Variants in CPNE5 observed in about 807,000 individuals in gnomAD.
CPNE5 encodes the protein copine 5.
CPNE5 carries 42 observed loss-of-function variants against 81.1 expected under a neutral mutation model. That is an observed-to-expected ratio of 0.52 (90% CI 0.40 to 0.67). The LOEUF (loss-of-function observed/expected upper bound fraction) is 0.67, where lower values mean the gene tolerates loss of function less well. CPNE5 is among the 30% of genes least tolerant of loss of function. The probability of loss-of-function intolerance (pLI) is 0.00; values close to 1 mark genes in which losing one functional copy is unlikely to be tolerated. For missense variants in CPNE5, 612 were observed against 815.5 expected, an observed-to-expected ratio of 0.75 and a Z score of 3.04; for synonymous variants, 313 against 321.5, an observed-to-expected ratio of 0.97 and a Z score of 0.28.
chr6:36,757,734 T>C (rs1358121614), intron 12 of CPNE5, among the ~76,000 whole-genome samples: 1 of 152,100 alleles, frequency 6.6e-6, no homozygotes, highest in Non-Finnish European at 1.5e-5. Context: ...GAAAGACCAC[T>C]CTAGGTGAGA....
chr6:36,744,099 C>T (rs957283016), intron 19 of CPNE5, among the ~76,000 whole-genome samples, 169 bp downstream of exon 19: 6 of 152,248 alleles, frequency 3.9e-5, no homozygotes, highest in Non-Finnish European at 5.9e-5. Context: ...CAAACAAATG[C>T]GTCCCACACC....
intron 1 of CPNE5, among the ~76,000 whole-genome samples, chr6:36,834,406 G>C (rs914153276): frequency 6.6e-6 from 1 of 151,784 alleles, no homozygotes; most frequent in South Asian, 2.1e-4. Context: ...CTGCAATCCC[G>C]GCAATTTGGA....
chr6:36,767,265 G>A (rs1382458485), intron 10 of CPNE5, among the ~76,000 whole-genome samples: 1 of 152,224 alleles, frequency 6.6e-6, no homozygotes, highest in African/African-American at 2.4e-5. Flanking sequence ...ATCAGTGGCA[G>A]CTTTTCAGAC....
At chr6:36,773,935 G>A (rs1369991469) in intron 10 of CPNE5, among the ~76,000 whole-genome samples, 1 of 151,714 alleles carries the variant, frequency 6.6e-6, no homozygotes, top group Non-Finnish European at 1.5e-5. Context: ...GCGTGGTGGT[G>A]CATGGTTGTG....
At chr6:36,748,050 G>T (rs960275159) in intron 15 of CPNE5, among the ~76,000 whole-genome samples, 171 bp downstream of exon 15, 1 of 152,222 alleles carries the variant, frequency 6.6e-6, no homozygotes, top group African/African-American at 2.4e-5. Context: ...CCAACCTGGG[G>T]ATACTACTGC....
chr6:36,822,999 G>A lies in CPNE5; in HGVS notation c.136+59C>T, dbSNP rs529953477. On this transcript the variant is annotated intron_variant, in intron 2 of 20. Coordinates refer to ENST00000244751, the MANE Select transcript of CPNE5 (RefSeq NM_020939.2). ...CAGTAAGGGCTCAAGCATTGCCGCT[G>A]TAATTAGTCATAGCGTTGCCGCTAT... The A allele has an allele frequency of 2.9e-5, 41 of 1,417,882 alleles. No homozygotes were observed. The South Asian group carries it at 6.1e-4, about 21-fold the overall frequency. The allele number at this position is 1,417,882 out of a possible 1,614,324, so 87.8% of individuals were successfully genotyped here.
rs569284802 is a variant in CPNE5 at position 36,818,022 on chromosome 6, G to A, written c.183+4092C>T. On this transcript the variant is annotated intron_variant, in intron 3 of 20. Transcript: ENST00000244751. Reference sequence around the variant, plus strand: ...TACTGGGCCCCTGGGTTATGTCTTCGCACGTCACTGAAACCTGAAACCCAG... The same window carrying A: ...TACTGGGCCCCTGGGTTATGTCTTCACACGTCACTGAAACCTGAAACCCAG... Among the ~76,000 whole-genome samples, 42 of 151,988 alleles carry A rather than the reference G, an allele frequency of 2.8e-4. No individual in the cohort carries two copies. In the Middle Eastern group the frequency reaches 0.01, roughly 37 times the overall value.
chr6:36,813,681 A>G (rs1771296806), intron 3 of CPNE5, among the ~76,000 whole-genome samples: 1 of 152,070 alleles, frequency 6.6e-6, no homozygotes, highest in Non-Finnish European at 1.5e-5. Context: ...ACACCACTCA[A>G]ACTACACCAG....
rs762919644 is a variant in CPNE5 at position 36,799,992 on chromosome 6, C to T, written c.262G>A (p.Glu88Lys). 1 of 1,613,938 alleles carries T rather than the reference C, an allele frequency of 6.2e-7. No homozygotes were observed. The highest frequency in any genetic ancestry group is 1.1e-5 in the South Asian group (1 of 91,056). Residue 88 changes from glutamate to lysine, a missense_variant, in exon 4 of 21, where the codon GAG (glutamate) becomes AAG (lysine). Glu to Lys is a moderately conservative substitution (Grantham distance 56). Transcript: ENST00000244751. The stretch of plus-strand genomic sequence containing the variant: ...AGATCAAAACGGAGGTTCTGCTTCT[C>T]CTCGAAAAAGTAATCCACAATGAAC... ...RKFIVDYFFE[E>K]KQNLRFDLYD... is the part of the protein sequence containing the mutation.
At chr6:36,770,574 G>GT (rs1554199125) in intron 10 of CPNE5, among the ~76,000 whole-genome samples, 2 of 151,842 alleles carry the variant, frequency 1.3e-5, no homozygotes, top group Non-Finnish European at 2.9e-5. Flanking sequence ...ATCCCTGACC[G>GT]TGCCGCCCTC....
chr6:36,743,144 A>G (rs1259162149), intron 20 of CPNE5: 1 of 985,298 alleles, frequency 1.0e-6, no homozygotes, highest in Non-Finnish European at 1.2e-6. Flanking sequence ...TGTCTTCTGC[A>G]TCTCCTAAGC....
At chr6:36,822,912 A>G (rs1232945050) in intron 2 of CPNE5, 146 bp downstream of exon 2, 19 of 576,230 alleles carry the variant, frequency 3.3e-5, no homozygotes. Context: ...CTCAGACACT[A>G]TGGGAGAAAC....
In CPNE5 at chr6:36,800,067, C is replaced by T; in HGVS notation, c.187G>A (p.Gly63Arg). The T allele has an allele frequency of 6.2e-7, 1 of 1,610,908 alleles. No individual in the cohort carries two copies. The highest frequency in any genetic ancestry group is 2.2e-5 in the East Asian group (1 of 44,842). The change falls in exon 4 of 21, where the codon GGG becomes AGG. Residue 63 changes from glycine (G) to arginine (R), a missense_variant. By Grantham distance (125) the Gly-to-Arg change is moderately radical. Transcript: ENST00000244751. ...GMENKQWREF[G>R]RTEVIDNTLN... is the part of the protein sequence containing the mutation. ...GTGTTGTCGATGACTTCGGTGCGCC[C>T]AAACTGCAAGAGAAGATGGAGGGTG...
intron 8 of CPNE5, among the ~76,000 whole-genome samples, chr6:36,780,885 G>C (rs1279102735): frequency 1.3e-5 from 2 of 152,160 alleles, no homozygotes; most frequent in African/African-American, 4.8e-5. Flanking sequence ...CTGGAGGTTG[G>C]AGAAGTTAGG....
intron 6 of CPNE5, among the ~76,000 whole-genome samples, chr6:36,797,736 T>C (rs1561796192): frequency 6.6e-6 from 1 of 152,192 alleles, no homozygotes; most frequent in Non-Finnish European, 1.5e-5. Flanking sequence ...TGTACCCAGC[T>C]CTGGCCTACA....
rs201480226 is a variant in CPNE5, at chr6:36,839,378, C to G, written c.-1G>C. 1 of 1,544,558 alleles carries G rather than the reference C, an allele frequency of 6.5e-7. No homozygotes were observed. The highest frequency in any genetic ancestry group is 8.8e-7 in the Non-Finnish European group (1 of 1,142,840). ...ACGCCATGTCCTCAGGCTGCTCCATCGCCCACCGCACCCCCCACCCCAAAT... is the reference window on the plus strand; with the variant it reads ...ACGCCATGTCCTCAGGCTGCTCCATGGCCCACCGCACCCCCCACCCCAAAT... On this transcript the variant is annotated 5_prime_UTR_variant, in exon 1 of 21. Coordinates refer to ENST00000244751, the MANE Select transcript of CPNE5 (RefSeq NM_020939.2). The surrounding 1 kb of genome is among the most constrained non-coding windows in gnomAD (Gnocchi z 7.3).
intron 1 of CPNE5, among the ~76,000 whole-genome samples, chr6:36,830,405 G>A (rs1230025246): frequency 1.3e-5 from 2 of 152,168 alleles, no homozygotes; most frequent in East Asian, 3.9e-4. Flanking sequence ...GAAGTAATCC[G>A]AGGAAAGCAG....
At chr6:36,819,920 G>C (rs955378673) in intron 3 of CPNE5, among the ~76,000 whole-genome samples, 1 of 152,188 alleles carries the variant, frequency 6.6e-6, no homozygotes, top group Non-Finnish European at 1.5e-5. Context: ...TGCCTCTTCT[G>C]ATCACCTGGA....
intron 19 of CPNE5, among the ~76,000 whole-genome samples, 184 bp downstream of exon 19, chr6:36,744,084 C>A (rs924286388): frequency 1.3e-5 from 2 of 152,260 alleles, no homozygotes; most frequent in Non-Finnish European, 2.9e-5. Context: ...ACACCCTTCC[C>A]TGAGCAAACA....
Sources: allele counts gnomAD v4.1 joint callset (sites outside exome capture counted in the v4.1 genomes callset), GRCh38; gene constraint gnomAD v4.1.1; non-coding constraint Gnocchi (gnomAD v3.1); transcripts MANE v1.5; gene names NCBI Gene and HGNC (gene_info 2026-07-23, HGNC 2026-07-21).